NKAIN3: variants seen among roughly 807,000 people sequenced by gnomAD.
The protein encoded by NKAIN3 is sodium/potassium-transporting ATPase subunit beta-1-interacting protein 3.
NKAIN3 carries 25 observed loss-of-function variants against 30.2 expected under a neutral mutation model. The observed-to-expected ratio is 0.83, with a 90% CI of 0.60 to 1.16. The LOEUF is 1.16. NKAIN3 is among the 50% of genes most tolerant of loss of function. The pLI, the probability that NKAIN3 is intolerant of heterozygous loss-of-function variation, is 0.00. For missense variants in NKAIN3, 225 were observed against 254.1 expected (o/e 0.89, Z 0.78); for synonymous variants, 91 against 89.6 (o/e 1.02, Z -0.09).
rs553624601 is a variant in NKAIN3 at position 62,521,038 on chromosome 8, T to G, written c.55-58501T>G. Among the ~76,000 whole-genome samples, 527 of 151,670 alleles carry G rather than the reference T, an allele frequency of 3.5e-3. 3 individuals are homozygous for G. The highest frequency in any genetic ancestry group is 7.7e-3 in the South Asian group (37 of 4,812). ...TAGACACAGATAAATGGATTTCAGCTCTAATGGGAGAGATTGTTTAGCCGT... is the reference window on the plus strand; with the variant it reads ...TAGACACAGATAAATGGATTTCAGCGCTAATGGGAGAGATTGTTTAGCCGT... On this transcript the variant is annotated intron_variant, in intron 1 of 6. Coordinates refer to ENST00000623646, the MANE Select transcript of NKAIN3 (RefSeq NM_001304533.3).
rs76651505 is a variant in NKAIN3 at position 62,531,077 on chromosome 8, C to T, written c.55-48462C>T. ...TTTTCTCTCTCTCTGCCCACATCGACCTTTCCACAGATGGTGTAGTTCAGA... is the reference window on the plus strand; with the variant it reads ...TTTTCTCTCTCTCTGCCCACATCGATCTTTCCACAGATGGTGTAGTTCAGA... On this transcript the variant is annotated intron_variant, in intron 1 of 6. Coordinates refer to ENST00000623646, the MANE Select transcript of NKAIN3 (RefSeq NM_001304533.3). 6.4e-3 allele frequency among the ~76,000 whole-genome samples: 977 copies of T among 152,222 alleles called. 10 individuals are homozygous for T. The highest frequency in any genetic ancestry group is 0.022 in the African/African-American group (923 of 41,532).
At chr8:62,337,158 G>A (rs1466709247) in intron 1 of NKAIN3, among the ~76,000 whole-genome samples, 1 of 152,020 alleles carries the variant, frequency 6.6e-6, no homozygotes, top group South Asian at 2.1e-4. Flanking sequence ...GAAAGTGAAA[G>A]CTGCCAGCCT....
At chr8:62,779,592 A>G (rs1817294719) in intron 4 of NKAIN3, among the ~76,000 whole-genome samples, 1 of 152,132 alleles carries the variant, frequency 6.6e-6, no homozygotes, top group South Asian at 2.1e-4. Flanking sequence ...TTGAATTTAC[A>G]CTGCATGTTA....
chr8:62,929,338 G>A lies in NKAIN3; in HGVS notation c.532+10825G>A, dbSNP rs570629979. On this transcript the variant is annotated intron_variant, in intron 5 of 6. Coordinates refer to ENST00000623646, the MANE Select transcript of NKAIN3 (RefSeq NM_001304533.3). ...AGGATAAAAAGTATACTGTGTTTTC[G>A]TATGCTGTGAGAAAAAAATCACAGG... 2.2e-4 allele frequency among the ~76,000 whole-genome samples: 33 copies of A among 152,278 alleles called. 1 individual carries two copies. The highest frequency in any genetic ancestry group is 3.4e-3 in the Middle Eastern group (1 of 294).
intron 1 of NKAIN3, among the ~76,000 whole-genome samples, chr8:62,287,350 G>T (rs577333933): frequency 6.6e-6 from 1 of 151,902 alleles, no homozygotes; most frequent in Non-Finnish European, 1.5e-5. Context: ...TTTGGGTTAC[G>T]CTGACCTCAC....
chr8:62,859,205 AG>A (rs1171520785), intron 4 of NKAIN3, among the ~76,000 whole-genome samples: 1 of 148,662 alleles, frequency 6.7e-6, no homozygotes, highest in African/African-American at 2.6e-5. Flanking sequence ...TGTCACACCC[AG>A]GTGGGCCATC....
intron 1 of NKAIN3, among the ~76,000 whole-genome samples, chr8:62,551,909 A>G (rs1293181453): frequency 2.0e-5 from 3 of 152,234 alleles, no homozygotes; most frequent in African/African-American, 7.2e-5. Flanking sequence ...ACTCAGGTAG[A>G]AAACTTTTCT....
intron 3 of NKAIN3, among the ~76,000 whole-genome samples, chr8:62,740,471 T>A (rs528248365): frequency 4.0e-4 from 61 of 151,968 alleles, no homozygotes; most frequent in Non-Finnish European, 7.7e-4. Context: ...GGCAAAAAAA[T>A]GATTATTGTT....
chr8:62,419,282 T>C (rs953271703), intron 1 of NKAIN3, among the ~76,000 whole-genome samples: 1 of 152,182 alleles, frequency 6.6e-6, no homozygotes, highest in African/African-American at 2.4e-5. Context: ...TCCATGTACA[T>C]GTAATTATTG....
At chr8:62,315,079 C>G (rs1035718703) in intron 1 of NKAIN3, among the ~76,000 whole-genome samples, 1 of 152,144 alleles carries the variant, frequency 6.6e-6, no homozygotes, top group Non-Finnish European at 1.5e-5. Flanking sequence ...TTTTTTAAGA[C>G]AGAGCCATCA....
chr8:62,509,378 C>G (rs760137462), intron 1 of NKAIN3, among the ~76,000 whole-genome samples: 6 of 152,174 alleles, frequency 3.9e-5, no homozygotes, highest in Non-Finnish European at 8.8e-5. Context: ...GCAAGATATG[C>G]AGCCCTAGTT....
At chr8:62,650,297 T>A (rs949373002) in intron 3 of NKAIN3, among the ~76,000 whole-genome samples, 4 of 152,166 alleles carry the variant, frequency 2.6e-5, no homozygotes, top group African/African-American at 9.6e-5. Flanking sequence ...TGCTCACTAC[T>A]TCTGCCTCGC....
chr8:62,829,998 A>T (rs1367350314), intron 4 of NKAIN3, among the ~76,000 whole-genome samples: 1 of 152,180 alleles, frequency 6.6e-6, no homozygotes, highest in East Asian at 1.9e-4. Context: ...CAAATTGAAG[A>T]CATAAACATT....
At chr8:62,540,203 T>A (rs906688423) in intron 1 of NKAIN3, among the ~76,000 whole-genome samples, 1 of 152,150 alleles carries the variant, frequency 6.6e-6, no homozygotes, top group African/African-American at 2.4e-5. Flanking sequence ...ATTTTGTCAT[T>A]TACCTCCAAA....
chr8:62,931,405 T>C (rs1234411104), intron 5 of NKAIN3, among the ~76,000 whole-genome samples: 4 of 152,212 alleles, frequency 2.6e-5, no homozygotes, highest in Admixed American at 6.5e-5. Context: ...AAAGATTTTA[T>C]ATACCAAGCA....
chr8:62,571,582 A>T (rs1809941301), intron 1 of NKAIN3, among the ~76,000 whole-genome samples: 1 of 151,630 alleles, frequency 6.6e-6, no homozygotes, highest in South Asian at 2.1e-4. Context: ...CCAACCCCAC[A>T]TTTCCCTTCC....
intron 1 of NKAIN3, among the ~76,000 whole-genome samples, chr8:62,375,600 A>T (rs4297032): frequency 0.14 from 20,851 of 152,152 alleles, 1,725 homozygotes; most frequent in East Asian, 0.4. Context: ...AGGACTGTCA[A>T]ATGTTAACTC....
rs1823963412 is a variant in NKAIN3, at chr8:62,977,265, C to T, written c.*11858C>T. ...GCCTTGCGAGGTTGGGGAAGTTCTC[C>T]TGGATTATATCCTAAATTGTGCTTT... is the stretch of plus-strand genomic sequence containing the variant. On this transcript the variant is annotated 3_prime_UTR_variant, in exon 7 of 7. Coordinates refer to ENST00000623646, the MANE Select transcript of NKAIN3 (RefSeq NM_001304533.3). 6.6e-6 allele frequency among the ~76,000 whole-genome samples: 1 copy of T among 152,148 alleles called. No homozygotes were observed.
intron 4 of NKAIN3, among the ~76,000 whole-genome samples, chr8:62,911,639 T>G (rs12547521): frequency 1.6e-4 from 24 of 152,142 alleles, no homozygotes; most frequent in Admixed American, 1.5e-3. Flanking sequence ...TGCTGCTTGG[T>G]CTAGCTCTTT....
Sources: gnomAD v4.1 joint callset for allele counts (sites outside exome capture counted in the v4.1 genomes callset) on GRCh38, gnomAD v4.1.1 for gene constraint, MANE v1.5 for transcripts, NCBI Gene and HGNC (gene_info 2026-07-23, HGNC 2026-07-21) for gene names.